Variants in ESR1 observed in about 807,000 individuals in gnomAD.
ESR1 encodes estrogen receptor 1, also known as estrogen receptor.
Under a neutral mutation model 52.7 loss-of-function variants are expected in ESR1, and 12 were observed. The observed-to-expected ratio is 0.23, with a 90% CI of 0.15 to 0.37. ESR1 has a LOEUF of 0.37. Among genes scored for constraint, ESR1 ranks in the 10% least tolerant of loss-of-function variants. The pLI, the probability that ESR1 is intolerant of heterozygous loss-of-function variation, is 1.00. For synonymous variants in ESR1, 305 were observed against 316.8 expected, an observed-to-expected ratio of 0.96 and a Z score of 0.39; for missense variants, 584 against 779.7, an observed-to-expected ratio of 0.75 and a Z score of 2.99.
chr6:152,101,907 C>T lies in ESR1; in HGVS notation c.*2941C>T, dbSNP rs1479970581. On this transcript the variant is annotated 3_prime_UTR_variant, in exon 8 of 8. Coordinates refer to ENST00000206249, the MANE Select transcript of ESR1 (RefSeq NM_000125.4). Reference sequence around the variant, plus strand: ...CCATTTACAGCCATTTCTAAAATGGCAGCTTCAGTTCTAGAGAAGAAAGAA... The same window carrying T: ...CCATTTACAGCCATTTCTAAAATGGTAGCTTCAGTTCTAGAGAAGAAAGAA... 2 of 220,282 alleles carry T rather than the reference C, an allele frequency of 9.1e-6. No individual in the cohort carries two copies. The highest frequency in any genetic ancestry group is 1.8e-5 in the Non-Finnish European group (2 of 109,846). 13.6% of individuals were successfully genotyped at this position (220,282 alleles called of 1,614,324 possible).
intron 2 of ESR1, among the ~76,000 whole-genome samples, chr6:151,702,181 C>T (rs11965933): frequency 0.041 from 6,298 of 152,108 alleles, 425 homozygotes; most frequent in African/African-American, 0.14. Flanking sequence ...ACTCTACATG[C>T]GTTGCTTAGG....
At chr6:151,762,009 A>G (rs1784694011) in intron 2 of ESR1, among the ~76,000 whole-genome samples, 1 of 152,206 alleles carries the variant, frequency 6.6e-6, no homozygotes. Flanking sequence ...TTTTATCTTG[A>G]GTGCACATCA....
chr6:152,032,696 A>G (rs2044836132), intron 5 of ESR1, among the ~76,000 whole-genome samples: 2 of 152,162 alleles, frequency 1.3e-5, no homozygotes, highest in Non-Finnish European at 2.9e-5. Context: ...AATCAATATC[A>G]TGAAAATGGC....
chr6:151,751,804 C>A (rs1451392365), intron 2 of ESR1, among the ~76,000 whole-genome samples: 1 of 152,066 alleles, frequency 6.6e-6, no homozygotes, highest in East Asian at 1.9e-4. Flanking sequence ...GTACAGCACA[C>A]CAGGAGAGAA....
intron 2 of ESR1, among the ~76,000 whole-genome samples, chr6:151,726,884 C>G (rs1781887942): frequency 6.6e-6 from 1 of 152,066 alleles, no homozygotes; most frequent in Non-Finnish European, 1.5e-5. Context: ...GACTAGGATC[C>G]TTCACTACAA....
intron 1 of ESR1, among the ~76,000 whole-genome samples, chr6:151,672,113 G>A (rs570863611): frequency 2.2e-4 from 33 of 151,942 alleles, no homozygotes; most frequent in East Asian, 2.2e-3. Flanking sequence ...GATTGCAGGC[G>A]TGAGCCACTG....
At chr6:151,749,415 T>G (rs1783734773) in intron 2 of ESR1, among the ~76,000 whole-genome samples, 1 of 152,216 alleles carries the variant, frequency 6.6e-6, no homozygotes, top group Non-Finnish European at 1.5e-5. Flanking sequence ...ATCATTTCTT[T>G]GTGGTAAAGC....
chr6:152,028,540 C>T (rs529788447), intron 5 of ESR1, among the ~76,000 whole-genome samples: 1 of 152,326 alleles, frequency 6.6e-6, no homozygotes, highest in East Asian at 1.9e-4. Flanking sequence ...CAGAGCCTCG[C>T]TCATTGCTAG....
chr6:151,876,359 G>T (rs1431525973), intron 2 of ESR1, among the ~76,000 whole-genome samples: 1 of 152,056 alleles, frequency 6.6e-6, no homozygotes, highest in Non-Finnish European at 1.5e-5. Context: ...AGGAAACTCA[G>T]GAAAGAGATT....
chr6:152,012,017 T>TACACAC lies in ESR1; in HGVS notation c.1235+248_1235+253dup, dbSNP rs141508452. ...CTCAGAAGAATTCTATTATTTCTAA[T>TACACAC]ACACACACACACACACACACACACA... On this transcript the variant is annotated intron_variant, in intron 5 of 7. Transcript: ENST00000206249. Among the ~76,000 whole-genome samples, 14,154 of 141,600 alleles carry TACACAC rather than the reference T, an allele frequency of 0.1. 736 individuals carry two copies. The highest frequency in any genetic ancestry group is 0.15 in the Middle Eastern group (43 of 282). The allele number at this position is 141,600 out of a possible 152,430, so 92.9% of individuals were successfully genotyped here. A position where few individuals can be genotyped will look rare whatever the true frequency, so the allele number is the denominator to read the frequency against.
At chr6:152,117,331 A>G (rs1317737311) in intron 6 of ESR1, among the ~76,000 whole-genome samples, 6 of 152,202 alleles carry the variant, frequency 3.9e-5, no homozygotes, top group Admixed American at 3.3e-4. Flanking sequence ...TGTGTCCGGC[A>G]GGATTTAAGC....
intron 5 of ESR1, among the ~76,000 whole-genome samples, chr6:152,031,833 A>G (rs1019543502): frequency 1.3e-5 from 2 of 152,166 alleles, no homozygotes; most frequent in Non-Finnish European, 2.9e-5. Context: ...CAGAGACACA[A>G]CAAAAAAAGA....
chr6:151,834,513 A>C (rs1200059638), intron 1 of ESR1, among the ~76,000 whole-genome samples: 1 of 152,166 alleles, frequency 6.6e-6, no homozygotes, highest in Non-Finnish European at 1.5e-5. Context: ...ACACATGGAC[A>C]CAGGGACGGG....
chr6:151,850,844 A>G (rs1786552011), intron 2 of ESR1, among the ~76,000 whole-genome samples: 1 of 152,052 alleles, frequency 6.6e-6, no homozygotes, highest in African/African-American at 2.4e-5. Context: ...TCCACTTACC[A>G]TTGCTGAGTT....
intron 3 of ESR1, among the ~76,000 whole-genome samples, chr6:151,932,215 AT>A (rs762101223): frequency 0.062 from 9,444 of 151,928 alleles, 503 homozygotes; most frequent in African/African-American, 0.15. Flanking sequence ...GATGATGAGC[AT>A]TTTTTCATGT....
intron 5 of ESR1, among the ~76,000 whole-genome samples, chr6:152,031,111 C>A (rs1258450207): frequency 3.9e-5 from 6 of 152,164 alleles, no homozygotes; most frequent in Admixed American, 3.9e-4. Flanking sequence ...ACACAACATA[C>A]CAGAATCTCT....
chr6:152,085,819 A>G (rs906878754), intron 6 of ESR1, among the ~76,000 whole-genome samples: 4 of 152,142 alleles, frequency 2.6e-5, no homozygotes, highest in African/African-American at 9.7e-5. Context: ...TTCAAGGGAG[A>G]GGGCCCAGAT....
chr6:152,120,620 C>T lies in ESR1; in HGVS notation c.851-4646C>T, dbSNP rs191327550. Among the ~76,000 whole-genome samples the T allele has an allele frequency of 4.1e-3, 617 of 152,098 alleles. 3 individuals are homozygous for T. Among genetic ancestry groups the T allele is most frequent in the South Asian group, 0.012 (57 of 4,810 alleles). Reference sequence around the variant, plus strand: ...TGTGAGCTGAGTCCTGTGGGGCAGGCAAGGAGGAATGAAGTTAAGGAAGCA... The same window carrying T: ...TGTGAGCTGAGTCCTGTGGGGCAGGTAAGGAGGAATGAAGTTAAGGAAGCA... On this transcript the variant is annotated intron_variant, in intron 6 of 6. Transcript: ENST00000427531.
intron 5 of ESR1, among the ~76,000 whole-genome samples, chr6:152,033,209 A>G (rs2044903803): frequency 6.6e-6 from 1 of 152,162 alleles, no homozygotes. Context: ...CCTAGGCAAT[A>G]CCATTCAGGA....
Sources: gnomAD v4.1 joint callset for allele counts (sites outside exome capture counted in the v4.1 genomes callset) on GRCh38, gnomAD v4.1.1 for gene constraint, MANE v1.5 for transcripts, NCBI Gene and HGNC (gene_info 2026-07-23, HGNC 2026-07-21) for gene names.